CCDC174: variants seen among roughly 807,000 people sequenced by gnomAD.
CCDC174 encodes the protein coiled-coil domain containing 174.
In CCDC174, 37 loss-of-function variants were observed where a neutral mutation model predicts 57.1. The ratio of observed to expected loss-of-function variants is 0.65; its 90% CI spans 0.50 to 0.85. CCDC174 has a LOEUF of 0.85. Ranked by LOEUF, CCDC174 falls within the 40% of genes least tolerant of loss-of-function variation. The probability of loss-of-function intolerance (pLI) is 0.00; values close to 1 mark genes in which losing one functional copy is unlikely to be tolerated. For missense variants in CCDC174, 540 were observed against 574.3 expected, an observed-to-expected ratio of 0.94 and a Z score of 0.61; for synonymous variants, 182 against 190.2, an observed-to-expected ratio of 0.96 and a Z score of 0.35.
intron 5 of CCDC174, among the ~76,000 whole-genome samples, chr3:14,663,453 T>C (rs192158710): frequency 2.0e-5 from 3 of 152,346 alleles, no homozygotes; most frequent in African/African-American, 7.2e-5. Flanking sequence ...AAACTTTTGG[T>C]AGTCTTTACG....
At chr3:14,656,294 C>G (rs1255966652) in intron 3 of CCDC174, among the ~76,000 whole-genome samples, 1 of 152,062 alleles carries the variant, frequency 6.6e-6, no homozygotes, top group Non-Finnish European at 1.5e-5. Flanking sequence ...AAAAAAAATC[C>G]AGGATTCAAA....
At position 14,671,163 on chromosome 3, in the gene CCDC174, A is replaced by G. The variant is rs1387080317; in HGVS notation, c.1373A>G (p.Asp458Gly). The G allele has an allele frequency of 1.2e-6, 2 of 1,611,984 alleles. No homozygotes were observed. The highest frequency in any genetic ancestry group is 1.1e-5 in the South Asian group (1 of 90,974). Residue 458 changes from aspartate (D) to glycine (G), a missense_variant, in exon 11 of 11, where the codon GAC (aspartate) becomes GGC (glycine). Coordinates refer to ENST00000383794, the MANE Select transcript of CCDC174 (RefSeq NM_016474.5). ...ACAGTTACTTTCAAAACTCTGGATG[A>G]CATGATTTCCTATTACAAACAAGTG... is the stretch of plus-strand genomic sequence containing the variant. ...APTVTFKTLD[D>G]MISYYKQVT
At chr3:14,668,512 A>C (rs1196503961) in intron 9 of CCDC174, among the ~76,000 whole-genome samples, 3 of 152,124 alleles carry the variant, frequency 2.0e-5, no homozygotes, top group Non-Finnish European at 4.4e-5. Flanking sequence ...ATTTTTTGCT[A>C]TTGGTTATTT....
chr3:14,666,700 T>G, intron 6 of CCDC174, 105 bp from the exon 7 acceptor site: 1 of 919,362 alleles, frequency 1.1e-6, no homozygotes, highest in Non-Finnish European at 1.6e-6. Flanking sequence ...GTTCCCTGTT[T>G]TCTTTATCAA....
chr3:14,654,560 G>A (rs772457616), intron 2 of CCDC174, 30 bp downstream of exon 2: 1 of 1,065,780 alleles, frequency 9.4e-7, no homozygotes, highest in South Asian at 1.4e-5. Context: ...TATCTCCATT[G>A]GTTCCAAACA....
intron 5 of CCDC174, among the ~76,000 whole-genome samples, chr3:14,663,089 C>T (rs565765639): frequency 1.5e-4 from 23 of 152,286 alleles, no homozygotes; most frequent in Non-Finnish European, 2.9e-4. Context: ...CTCCACACTC[C>T]GTCACCCAGG....
Position 14,664,767 on chromosome 3 carries a change from A to G in CCDC174, c.486-261A>G, listed in dbSNP as rs528137777. 2.6e-5 allele frequency among the ~76,000 whole-genome samples: 4 copies of G among 152,354 alleles called. No individual in the cohort carries two copies. The East Asian group carries it at 5.8e-4, about 22-fold the overall frequency. ...GCTGCAGCAAAATTCCGTGTGGGTG[A>G]TTTATCTGTGAGATCAAAGGCATAA... is the stretch of plus-strand genomic sequence containing the variant. On this transcript the variant is annotated intron_variant, in intron 5 of 10. Transcript: ENST00000383794.
intron 1 of CCDC174, 47 bp from the exon 2 acceptor site, chr3:14,654,379 A>T: frequency 1.1e-6 from 1 of 887,180 alleles, no homozygotes; most frequent in Non-Finnish European, 1.8e-6. Context: ...CAATCCAGTC[A>T]CCTGCAGGAA....
chr3:14,663,470 G>A (rs2031218868), intron 5 of CCDC174, among the ~76,000 whole-genome samples: 1 of 152,210 alleles, frequency 6.6e-6, no homozygotes, highest in Non-Finnish European at 1.5e-5. Context: ...TACGTACCCA[G>A]TGTTGTTAAT....
At chr3:14,659,026 A>C (rs2031046145) in intron 4 of CCDC174, 97 bp downstream of exon 4, 1 of 1,170,466 alleles carries the variant, frequency 8.5e-7, no homozygotes, top group Admixed American at 3.1e-5. Flanking sequence ...GTAGAGAGAA[A>C]ATTTAGACGT....
At chr3:14,662,647 C>CTTTGGGTT (rs1232884744) in intron 5 of CCDC174, among the ~76,000 whole-genome samples, 8 of 152,186 alleles carry the variant, frequency 5.3e-5, no homozygotes, top group African/African-American at 1.9e-4. Context: ...GGAACCCATC[C>CTTTGGGTT]TCTTGCCTTT....
rs1018875589 is a variant in CCDC174 at position 14,668,298 on chromosome 3, G to C, written c.952+117G>C. 5 of 1,026,792 alleles carry C rather than the reference G, an allele frequency of 4.9e-6. No homozygotes were observed. In the East Asian group the frequency reaches 1.2e-4, roughly 25 times the overall value. 63.6% of individuals were successfully genotyped at this position (1,026,792 alleles called of 1,614,324 possible). A position where few individuals can be genotyped will look rare whatever the true frequency, so the allele number is the denominator to read the frequency against. On this transcript the variant is annotated intron_variant, in intron 9 of 10. Transcript: ENST00000383794. ...ATTTAGTTTTATATTTAAGCAAACA[G>C]TATACCTTTGAGGTACTGGCAGGAG... is the stretch of plus-strand genomic sequence containing the variant.
In CCDC174 at chr3:14,666,256, G is replaced by T. The variant is rs1424318294; in HGVS notation, c.582-549G>T. Among the ~76,000 whole-genome samples, 2 of 152,116 alleles carry T rather than the reference G, an allele frequency of 1.3e-5. 1 individual carries two copies. Among genetic ancestry groups the T allele is most frequent in the South Asian group, 4.1e-4 (2 of 4,834 alleles). Reference sequence around the variant, plus strand: ...GGTCAGCCCAGGACCTGGGTGGAAGGAAAGTTTTTTGTCTTGAGTGCTCAG... The same window carrying T: ...GGTCAGCCCAGGACCTGGGTGGAAGTAAAGTTTTTTGTCTTGAGTGCTCAG... On this transcript the variant is annotated intron_variant, in intron 6 of 10. Transcript: ENST00000383794.
chr3:14,669,365 T>C (rs557794283), intron 9 of CCDC174, among the ~76,000 whole-genome samples: 2 of 152,224 alleles, frequency 1.3e-5, no homozygotes, highest in Non-Finnish European at 2.9e-5. Context: ...GTGCAGATTG[T>C]TTCTCAAATT....
intron 6 of CCDC174, among the ~76,000 whole-genome samples, chr3:14,666,569 G>C (rs966310112): frequency 1.3e-5 from 2 of 151,990 alleles, no homozygotes; most frequent in Non-Finnish European, 2.9e-5. Flanking sequence ...GTTGCAGTGA[G>C]CCGAGATCGT....
At chr3:14,664,039 C>G (rs1353676328) in intron 5 of CCDC174, among the ~76,000 whole-genome samples, 2 of 150,244 alleles carry the variant, frequency 1.3e-5, no homozygotes, top group Non-Finnish European at 3.0e-5. Context: ...TTTTCTTCCC[C>G]CATCCATTTG....
intron 9 of CCDC174, among the ~76,000 whole-genome samples, chr3:14,668,721 A>G (rs1290558858): frequency 6.6e-6 from 1 of 152,218 alleles, no homozygotes; most frequent in East Asian, 1.9e-4. Flanking sequence ...TTGTGGTAGT[A>G]CAGGCTAAAT....
At chr3:14,660,859 T>C (rs1436780253) in intron 4 of CCDC174, among the ~76,000 whole-genome samples, 1 of 152,112 alleles carries the variant, frequency 6.6e-6, no homozygotes, top group Non-Finnish European at 1.5e-5. Context: ...TTGTGCTACA[T>C]GAGCTATCCT....
At chr3:14,653,879 T>C (rs764781384) in intron 1 of CCDC174, among the ~76,000 whole-genome samples, 3 of 152,272 alleles carry the variant, frequency 2.0e-5, no homozygotes, top group African/African-American at 4.8e-5. Flanking sequence ...TGCTCTGTTA[T>C]CTGAACTTAT....
Sources: gnomAD v4.1 joint callset for allele counts (sites outside exome capture counted in the v4.1 genomes callset) on GRCh38, gnomAD v4.1.1 for gene constraint, MANE v1.5 for transcripts, NCBI Gene and HGNC (gene_info 2026-07-23, HGNC 2026-07-21) for gene names.